Variants in CSNK1G1 observed in about 807,000 individuals in gnomAD.
CSNK1G1 encodes the protein casein kinase I isoform gamma-1.
Under a neutral mutation model 59.6 loss-of-function variants are expected in CSNK1G1, and 22 were observed. That is an observed-to-expected ratio of 0.37 (90% CI 0.26 to 0.53). The LOEUF (loss-of-function observed/expected upper bound fraction) is 0.53, where lower values mean the gene tolerates loss of function less well. CSNK1G1 is among the 20% of genes least tolerant of loss of function. CSNK1G1 has a pLI of 0.89. For synonymous variants in CSNK1G1, 179 were observed against 177.1 expected, an observed-to-expected ratio of 1.01 and a Z score of -0.08; for missense variants, 384 against 519.5, an observed-to-expected ratio of 0.74 and a Z score of 2.54.
At chr15:64,244,943 G>T (rs1308952243) in intron 4 of CSNK1G1, among the ~76,000 whole-genome samples, 5 of 152,150 alleles carry the variant, frequency 3.3e-5, no homozygotes, top group African/African-American at 1.2e-4. Context: ...CAGACAAAGA[G>T]ACCAAGGGAA....
At chr15:64,286,787 C>T (rs953125607) in intron 2 of CSNK1G1, among the ~76,000 whole-genome samples, 7 of 152,092 alleles carry the variant, frequency 4.6e-5, no homozygotes, top group Non-Finnish European at 1.0e-4. Context: ...TTTGATTCTG[C>T]TCTAAATTTA....
At chr15:64,226,963 T>C (rs140226628) in intron 4 of CSNK1G1, among the ~76,000 whole-genome samples, 2 of 152,360 alleles carry the variant, frequency 1.3e-5, no homozygotes, top group African/African-American at 4.8e-5. Context: ...CTGTCTTCCC[T>C]ACTAACAGAA....
At position 64,323,764 on chromosome 15, in the gene CSNK1G1, C is replaced by A. The variant is rs78457370; in HGVS notation, c.-224-23041G>T. 0.025 allele frequency among the ~76,000 whole-genome samples: 3,753 copies of A among 152,270 alleles called. 269 individuals are homozygous for A. The South Asian group carries it at 0.29, about 12-fold the overall frequency. On this transcript the variant is annotated intron_variant, in intron 1 of 11. Transcript: ENST00000303052. ...CCTCCTTCCTTCAAAACGCCATTAT[C>A]CCCTTATCTTCTCACTCTATAGCTA...
At chr15:64,335,384 C>A (rs546876021) in intron 1 of CSNK1G1, among the ~76,000 whole-genome samples, 59 of 152,170 alleles carry the variant, frequency 3.9e-4, no homozygotes, top group Non-Finnish European at 7.5e-4. Flanking sequence ...AGGTCCTGAT[C>A]CTCATTTTTC....
At chr15:64,342,349 C>T (rs1897722231) in intron 1 of CSNK1G1, among the ~76,000 whole-genome samples, 1 of 152,168 alleles carries the variant, frequency 6.6e-6, no homozygotes. Context: ...TAACATGCCA[C>T]TTGTTATGTA....
intron 2 of CSNK1G1, among the ~76,000 whole-genome samples, chr15:64,290,929 G>C (rs1473396023): frequency 6.6e-6 from 1 of 152,070 alleles, no homozygotes; most frequent in African/African-American, 2.4e-5. Context: ...GGCCAGGCTG[G>C]TCTCCAACTC....
chr15:64,211,692 A>AC (rs1478849650), intron 6 of CSNK1G1, among the ~76,000 whole-genome samples: 1 of 152,234 alleles, frequency 6.6e-6, no homozygotes, highest in Non-Finnish European at 1.5e-5. Flanking sequence ...TAATTATCAT[A>AC]CCCATTTTAT....
At chr15:64,244,136 T>C (rs1240413467) in intron 4 of CSNK1G1, among the ~76,000 whole-genome samples, 1 of 151,918 alleles carries the variant, frequency 6.6e-6, no homozygotes, top group Non-Finnish European at 1.5e-5. Context: ...GCCACTGCAC[T>C]CCAGCCTGGG....
At chr15:64,252,581 C>G (rs892188888) in intron 3 of CSNK1G1, among the ~76,000 whole-genome samples, 1 of 151,994 alleles carries the variant, frequency 6.6e-6, no homozygotes, top group South Asian at 2.1e-4. Flanking sequence ...GTATACACAC[C>G]CTCCCCATAA....
intron 6 of CSNK1G1, among the ~76,000 whole-genome samples, chr15:64,208,308 G>A (rs1020560290): frequency 6.6e-6 from 1 of 152,032 alleles, no homozygotes. Flanking sequence ...GATAAGCCTG[G>A]GCAACATAAT....
chr15:64,227,175 C>A (rs1379597646), intron 4 of CSNK1G1, among the ~76,000 whole-genome samples: 1 of 152,188 alleles, frequency 6.6e-6, no homozygotes, highest in Admixed American at 6.5e-5. Flanking sequence ...ACATACAGAG[C>A]AAAGCAAATT....
At chr15:64,301,987 T>C (rs72756986) in intron 1 of CSNK1G1, among the ~76,000 whole-genome samples, 6,739 of 152,286 alleles carry the variant, frequency 0.044, 196 homozygotes, top group South Asian at 0.085. Flanking sequence ...AAGACACCTA[T>C]ACTCTAAACT....
chr15:64,254,634 G>A (rs1035889575), intron 3 of CSNK1G1, among the ~76,000 whole-genome samples: 4 of 152,180 alleles, frequency 2.6e-5, no homozygotes, highest in Admixed American at 2.6e-4. Flanking sequence ...TTACAGGTGT[G>A]AGCCACTGCA....
intron 4 of CSNK1G1, among the ~76,000 whole-genome samples, chr15:64,229,902 ATTTTTTTTTTTTTTTTTTTTTTTTTTTT>A (rs533868270): frequency 4.6e-5 from 2 of 43,808 alleles, no homozygotes; most frequent in East Asian, 1.1e-3. Context: ...ATGTTTGTAA[ATTTTTTTTTTTTTTTTTTTTTTTTTTTT>A]TTTTTTTTTA....
chr15:64,255,302 C>G (rs1231449085), intron 3 of CSNK1G1, among the ~76,000 whole-genome samples: 1 of 152,128 alleles, frequency 6.6e-6, no homozygotes, highest in Non-Finnish European at 1.5e-5. Flanking sequence ...GTCGCAAACT[C>G]CTGACCTCGT....
At chr15:64,222,436 C>CAAAAAAAAAA (rs1567381566) in intron 4 of CSNK1G1, among the ~76,000 whole-genome samples, 2 of 114,656 alleles carry the variant, frequency 1.7e-5, no homozygotes, top group Admixed American at 9.2e-5. Flanking sequence ...AACAACACCA[C>CAAAAAAAAAA]CAAAAAAAAA....
intron 1 of CSNK1G1, among the ~76,000 whole-genome samples, chr15:64,301,245 T>C (rs1413813528): frequency 6.6e-6 from 1 of 152,084 alleles, no homozygotes; most frequent in African/African-American, 2.4e-5. Flanking sequence ...AAAACTCTAT[T>C]GGTATTAAGT....
At chr15:64,268,019 T>G (rs568127194) in intron 2 of CSNK1G1, among the ~76,000 whole-genome samples, 2 of 152,128 alleles carry the variant, frequency 1.3e-5, no homozygotes, top group Admixed American at 6.5e-5. Context: ...GAAACCAGTA[T>G]GCCAAAAAGA....
intron 4 of CSNK1G1, among the ~76,000 whole-genome samples, chr15:64,218,852 G>GTTTT (rs11364699): frequency 8.8e-6 from 1 of 114,088 alleles, no homozygotes; most frequent in Non-Finnish European, 1.8e-5. Flanking sequence ...AATTTGAAGT[G>GTTTT]TTTTTTTTTT....
Sources: gnomAD v4.1 joint callset for allele counts (sites outside exome capture counted in the v4.1 genomes callset) on GRCh38, gnomAD v4.1.1 for gene constraint, MANE v1.5 for transcripts, NCBI Gene and HGNC (gene_info 2026-07-23, HGNC 2026-07-21) for gene names.